Variants in PRKCE observed in about 807,000 individuals in gnomAD.
PRKCE encodes the protein protein kinase C epsilon.
A neutral mutation model predicts 85.4 loss-of-function variants in PRKCE; 16 were observed. The ratio of observed to expected loss-of-function variants is 0.19; its 90% CI spans 0.13 to 0.28. The LOEUF (loss-of-function observed/expected upper bound fraction) is 0.28, where lower values mean the gene tolerates loss of function less well. Ranked by LOEUF, PRKCE falls within the 10% of genes least tolerant of loss-of-function variation. PRKCE has a pLI of 1.00. For synonymous variants in PRKCE, 388 were observed against 371.5 expected, an observed-to-expected ratio of 1.04 and a Z score of -0.51; for missense variants, 573 against 975.2, an observed-to-expected ratio of 0.59 and a Z score of 5.49.
intron 1 of PRKCE, among the ~76,000 whole-genome samples, chr2:45,734,707 AT>A (rs1313858519): frequency 6.6e-6 from 1 of 151,942 alleles, no homozygotes; most frequent in African/African-American, 2.4e-5. Flanking sequence ...TGATGCGCAG[AT>A]CCCCCCTGCA....
intron 1 of PRKCE, among the ~76,000 whole-genome samples, chr2:45,726,004 A>C (rs1681040169): frequency 1.3e-5 from 2 of 152,286 alleles, no homozygotes; most frequent in East Asian, 3.9e-4. Flanking sequence ...TGTGGTAGAA[A>C]TAGCAAGAGA....
intron 10 of PRKCE, among the ~76,000 whole-genome samples, chr2:46,074,847 T>A (rs572268002): frequency 4.4e-4 from 67 of 152,236 alleles, no homozygotes; most frequent in African/African-American, 1.6e-3. Flanking sequence ...GCCACCTATG[T>A]CCTGCCTGGG....
intron 10 of PRKCE, among the ~76,000 whole-genome samples, chr2:46,079,363 T>C (rs1359453489): frequency 6.6e-6 from 1 of 152,184 alleles, no homozygotes; most frequent in Non-Finnish European, 1.5e-5. Flanking sequence ...TACAGCATTT[T>C]GTGTTGTTTT....
At chr2:45,946,506 C>T (rs1193577694) in intron 2 of PRKCE, among the ~76,000 whole-genome samples, 2 of 152,110 alleles carry the variant, frequency 1.3e-5, no homozygotes, top group Non-Finnish European at 2.9e-5. Context: ...CTGTCTAATC[C>T]CAAAGACATC....
intron 14 of PRKCE, chr2:46,164,969 G>C (rs1173845285): frequency 2.0e-5 from 3 of 152,268 alleles, no homozygotes; most frequent in African/African-American, 7.2e-5. Flanking sequence ...TTTGGCCTCT[G>C]GTCAGGTTCC....
At chr2:45,705,006 G>T (rs904305087) in intron 1 of PRKCE, among the ~76,000 whole-genome samples, 11 of 152,278 alleles carry the variant, frequency 7.2e-5, no homozygotes, top group Non-Finnish European at 1.5e-4. Flanking sequence ...CCTCTTCCTT[G>T]CAGGGGAGCT....
intron 8 of PRKCE, among the ~76,000 whole-genome samples, chr2:46,006,364 G>A (rs1036319608): frequency 3.9e-5 from 6 of 152,150 alleles, no homozygotes; most frequent in African/African-American, 1.4e-4. Context: ...TGCTGAACTG[G>A]CAAGGGGAGT....
chr2:46,030,614 T>G (rs1322170946), intron 10 of PRKCE, among the ~76,000 whole-genome samples: 16 of 152,232 alleles, frequency 1.1e-4, no homozygotes, highest in Admixed American at 1.0e-3. Context: ...GATTTGGGGA[T>G]GCATAAGATC....
chr2:45,693,840 G>A (rs1677934208), intron 1 of PRKCE, among the ~76,000 whole-genome samples: 2 of 152,118 alleles, frequency 1.3e-5, no homozygotes, highest in South Asian at 4.1e-4. Context: ...GGAAGATAGA[G>A]AGGACAGTAC....
intron 2 of PRKCE, among the ~76,000 whole-genome samples, chr2:45,940,105 G>GT (rs780737128): frequency 1.1e-4 from 17 of 152,126 alleles, no homozygotes; most frequent in Non-Finnish European, 2.4e-4. Context: ...TCACTTACTG[G>GT]TTCCTGAAAT....
intron 2 of PRKCE, among the ~76,000 whole-genome samples, chr2:45,899,919 G>T (rs1696449693): frequency 6.6e-6 from 1 of 152,158 alleles, no homozygotes; most frequent in South Asian, 2.1e-4. Context: ...TAAATATCCA[G>T]AAATAAATCT....
Position 45,652,898 on chromosome 2 carries a change from G to C in PRKCE, c.348+450G>C, listed in dbSNP as rs560640849. Among the ~76,000 whole-genome samples, 1 of 152,258 alleles carries C rather than the reference G, an allele frequency of 6.6e-6. No individual in the cohort carries two copies. Among genetic ancestry groups the C allele is most frequent in the East Asian group, 1.9e-4 (1 of 5,176 alleles). On this transcript the variant is annotated intron_variant, in intron 1 of 14. Coordinates refer to ENST00000306156, the MANE Select transcript of PRKCE (RefSeq NM_005400.3). This position sits in a 1 kb window ranked among gnomAD's most constrained non-coding sequence, Gnocchi z 7.7. ...GGCTTTGTCCTGCTTAGCCGAGCGA[G>C]GAGTTGCTTTATTTTTCCCTCCGAG...
At chr2:45,966,943 G>A (rs1701773100) in intron 2 of PRKCE, among the ~76,000 whole-genome samples, 1 of 152,192 alleles carries the variant, frequency 6.6e-6, no homozygotes, top group Non-Finnish European at 1.5e-5. Context: ...AGGGTTTCTG[G>A]AAGTCAGTAT....
At chr2:45,842,026 G>A (rs763253934) in intron 1 of PRKCE, among the ~76,000 whole-genome samples, 1 of 151,946 alleles carries the variant, frequency 6.6e-6, no homozygotes, top group African/African-American at 2.4e-5. Flanking sequence ...AGGCGGAGAG[G>A]CTAGCAGGGG....
chr2:45,849,768 C>T (rs1264093375), intron 2 of PRKCE, among the ~76,000 whole-genome samples: 2 of 152,204 alleles, frequency 1.3e-5, no homozygotes, highest in Non-Finnish European at 2.9e-5. Context: ...TTACAATATG[C>T]ACCCCACGTT....
chr2:45,793,089 C>G (rs945298569), intron 1 of PRKCE, among the ~76,000 whole-genome samples: 1 of 152,180 alleles, frequency 6.6e-6, no homozygotes, highest in Non-Finnish European at 1.5e-5. Context: ...GTGAGCCACC[C>G]TACCCAGCCT....
chr2:45,782,989 A>G (rs1392131994), intron 1 of PRKCE, among the ~76,000 whole-genome samples: 1 of 152,092 alleles, frequency 6.6e-6, no homozygotes, highest in African/African-American at 2.4e-5. Context: ...TTTTGTCCTG[A>G]TGAATTTTGC....
intron 14 of PRKCE, among the ~76,000 whole-genome samples, chr2:46,176,595 ATTAAC>A (rs1679454122): frequency 6.6e-6 from 1 of 152,202 alleles, no homozygotes; most frequent in Non-Finnish European, 1.5e-5. Context: ...ACTTGAAGCA[ATTAAC>A]TTCATTTCCA....
intron 1 of PRKCE, among the ~76,000 whole-genome samples, chr2:45,820,693 T>C (rs2105330600): frequency 6.6e-6 from 1 of 152,228 alleles, no homozygotes; most frequent in East Asian, 1.9e-4. Context: ...GCAATTGAAG[T>C]TTTCAAACTG....
Sources: gnomAD v4.1 joint callset for allele counts (sites outside exome capture counted in the v4.1 genomes callset) on GRCh38, gnomAD v4.1.1 for gene constraint, Gnocchi (gnomAD v3.1) non-coding constraint, MANE v1.5 for transcripts, NCBI Gene and HGNC (gene_info 2026-07-23, HGNC 2026-07-21) for gene names.